SLC1A4: variants seen among roughly 807,000 people sequenced by gnomAD.
SLC1A4 encodes solute carrier family 1 member 4, also known as neutral amino acid transporter A.
Under a neutral mutation model 37.7 loss-of-function variants are expected in SLC1A4, and 19 were observed. The observed-to-expected ratio is 0.50, with a 90% CI of 0.35 to 0.74. SLC1A4 has a LOEUF of 0.74. SLC1A4 is among the 30% of genes least tolerant of loss of function. SLC1A4 has a pLI of 0.01. For synonymous variants in SLC1A4, 299 were observed against 309.8 expected (o/e 0.97, Z 0.37); for missense variants, 570 against 712.9 (o/e 0.80, Z 2.28).
At chr2:65,005,357 CCT>C (rs1335624848) in intron 3 of SLC1A4, among the ~76,000 whole-genome samples, 5 of 152,332 alleles carry the variant, frequency 3.3e-5, no homozygotes, top group South Asian at 4.1e-4. Context: ...ATGATATCCC[CCT>C]GTTCATAAAT....
At chr2:65,000,882 C>G (rs1052849098) in intron 1 of SLC1A4, 1 of 152,588 alleles carries the variant, frequency 6.6e-6, no homozygotes, top group African/African-American at 2.4e-5. Flanking sequence ...ACACACTCCC[C>G]CCAATTGGGG....
intron 1 of SLC1A4, among the ~76,000 whole-genome samples, chr2:64,991,421 CTTTT>C (rs3050297): frequency 2.3e-4 from 27 of 117,642 alleles, no homozygotes; most frequent in African/African-American, 5.2e-4. Context: ...GGGATCACAG[CTTTT>C]TTTTTTTTTT....
intron 3 of SLC1A4, 57 bp downstream of exon 3, chr2:65,004,072 T>A: frequency 2.8e-6 from 4 of 1,430,146 alleles, no homozygotes; most frequent in Non-Finnish European, 3.9e-6. Flanking sequence ...TCTTATTTCT[T>A]CTTTGAAGGA....
Position 65,016,639 on chromosome 2 carries a change from G to A in SLC1A4, c.1000G>A (p.Ala334Thr), listed in dbSNP as rs144779887. 6.2e-5 allele frequency: 100 copies of A among 1,614,038 alleles called. 1 individual carries two copies. Among genetic ancestry groups the A allele is most frequent in the East Asian group, 2.7e-4 (12 of 44,880 alleles). Residue 334 changes from alanine (A) to threonine (T), a missense_variant, in exon 5 of 8, where the codon GCC (alanine) becomes ACC (threonine). Transcript: ENST00000234256. ...ATTCAGATTCCTCCTGGGCCTCCTC[G>A]CCCCATTTGCGACAGCATTTGCTAC... ...NPFRFLLGLL[A>T]PFATAFATCS...
In SLC1A4 at chr2:64,990,084, C is replaced by T. The variant is rs776745294; in HGVS notation, c.441C>T (p.Thr147=). ...FIIKPGSGAQ[T]LQSSDLGLED... is the part of the protein sequence containing the mutation. ...TCAAGCCAGGATCCGGTGCGCAGAC[C>T]CTTCAGTCCAGCGACCTGGGGCTGG... is the stretch of plus-strand genomic sequence containing the variant. Residue 147 remains threonine (T), a synonymous_variant, in exon 1 of 8, where the codon ACC becomes ACT. Coordinates refer to ENST00000234256, the MANE Select transcript of SLC1A4 (RefSeq NM_003038.5). 8.1e-6 allele frequency: 13 copies of T among 1,609,578 alleles called. No homozygotes were observed. The South Asian group carries it at 8.9e-5, about 11-fold the overall frequency.
chr2:64,998,647 T>C (rs1673357385), intron 1 of SLC1A4, among the ~76,000 whole-genome samples: 1 of 152,148 alleles, frequency 6.6e-6, no homozygotes, highest in Non-Finnish European at 1.5e-5. Flanking sequence ...CTGTTAGGTG[T>C]AGAAGTTCTG....
Position 65,023,275 on chromosome 2 carries a change from T to C in SLC1A4, c.*2129T>C, listed in dbSNP as rs1215601144. 6.6e-6 allele frequency: 1 copy of C among 152,094 alleles called. No homozygotes were observed. 9.4% of individuals were successfully genotyped at this position (152,094 alleles called of 1,614,324 possible). ...GTAAATCTTTTTTTCTTCCTTCATA[T>C]ATATATACACAACACACACACACAT... is the stretch of plus-strand genomic sequence containing the variant. On this transcript the variant is annotated 3_prime_UTR_variant, in exon 8 of 8. Coordinates refer to ENST00000234256, the MANE Select transcript of SLC1A4 (RefSeq NM_003038.5).
Position 64,989,840 on chromosome 2 carries a change from G to C in SLC1A4, c.197G>C (p.Ser66Thr). 1 of 1,538,314 alleles carries C rather than the reference G, an allele frequency of 6.5e-7. No individual in the cohort carries two copies. The highest frequency in any genetic ancestry group is 1.2e-5 in the South Asian group (1 of 83,980). ...AGLGAALRGL[S>T]LSRTQVTYLA... ...CTGGGCGCGGCGTTGCGCGGGCTCA[G>C]CCTGAGCCGCACGCAGGTCACCTAC... The change falls in exon 1 of 8, where the codon AGC becomes ACC. Residue 66 changes from serine to threonine, a missense_variant. By Grantham distance (58) the Ser-to-Thr change is moderately conservative. Transcript: ENST00000234256.
chr2:65,002,059 C>A (rs971084047), intron 2 of SLC1A4, among the ~76,000 whole-genome samples: 1 of 152,134 alleles, frequency 6.6e-6, no homozygotes, highest in Non-Finnish European at 1.5e-5. Flanking sequence ...GTGGGTGGAT[C>A]ACTTGAGGTC....
In SLC1A4 at chr2:64,990,173, AAC is replaced by A; in HGVS notation, c.527+6_527+7del. On this transcript the variant is annotated splice_donor_5th_base_variant and intron_variant, in intron 1 of 7. Coordinates refer to ENST00000234256, the MANE Select transcript of SLC1A4 (RefSeq NM_003038.5). ...GACTCTTTCCTCGACCTGGCCAGGTAACACTCTCCACCTCTCCCAGGGCCCAG... is the reference window on the plus strand; with the variant it reads ...GACTCTTTCCTCGACCTGGCCAGGTAACTCTCCACCTCTCCCAGGGCCCAG... 1 of 1,596,286 alleles carries A rather than the reference AAC, an allele frequency of 6.3e-7. No homozygotes were observed. The highest frequency in any genetic ancestry group is 1.7e-5 in the Admixed American group (1 of 58,544).
At chr2:65,013,487 G>GCTA (rs530475775) in intron 4 of SLC1A4, among the ~76,000 whole-genome samples, 2 of 152,202 alleles carry the variant, frequency 1.3e-5, no homozygotes, top group South Asian at 4.1e-4. Flanking sequence ...CTCCCAAAGT[G>GCTA]CTAGGATTAC....
At chr2:65,020,738 G>C (rs1452344140) in intron 7 of SLC1A4, among the ~76,000 whole-genome samples, 174 bp from the exon 8 acceptor site, 1 of 152,150 alleles carries the variant, frequency 6.6e-6, no homozygotes, top group East Asian at 1.9e-4. Flanking sequence ...AAAATAAAAA[G>C]TGTTTAAAGA....
intron 4 of SLC1A4, among the ~76,000 whole-genome samples, chr2:65,013,553 A>G (rs1674007804): frequency 6.6e-6 from 1 of 152,240 alleles, no homozygotes; most frequent in Non-Finnish European, 1.5e-5. Flanking sequence ...AAACCAGTTT[A>G]GTCATTCCTT....
At position 64,996,729 on chromosome 2, in the gene SLC1A4, A is replaced by G. The variant is rs901454345; in HGVS notation, c.528-4719A>G. Among the ~76,000 whole-genome samples, 5 of 152,224 alleles carry G rather than the reference A, an allele frequency of 3.3e-5. No homozygotes were observed. In the East Asian group the frequency reaches 9.6e-4, roughly 29 times the overall value. On this transcript the variant is annotated intron_variant, in intron 1 of 7. Coordinates refer to ENST00000234256, the MANE Select transcript of SLC1A4 (RefSeq NM_003038.5). ...TTTCAGTTGGACAGTGCTGGCCTAG[A>G]TGGAGCAGAAATGGGAGATGCTCAG... is the stretch of plus-strand genomic sequence containing the variant.
intron 3 of SLC1A4, among the ~76,000 whole-genome samples, chr2:65,007,494 G>A (rs1673730275): frequency 1.3e-5 from 2 of 152,158 alleles, no homozygotes; most frequent in African/African-American, 4.8e-5. Flanking sequence ...TAGGTGTGCA[G>A]CCAGCATACC....
intron 7 of SLC1A4, 98 bp from the exon 8 acceptor site, chr2:65,020,814 C>T (rs528072723): frequency 8.7e-6 from 8 of 922,928 alleles, no homozygotes; most frequent in South Asian, 7.2e-5. Flanking sequence ...CAACAGGGCC[C>T]CTCACAATCA....
intron 3 of SLC1A4, among the ~76,000 whole-genome samples, chr2:65,008,410 G>A (rs1673770389): frequency 6.6e-6 from 1 of 152,190 alleles, no homozygotes; most frequent in South Asian, 2.1e-4. Flanking sequence ...GACTGAATTG[G>A]GAGAATCACT....
In SLC1A4 at chr2:65,004,088, C is replaced by T. The variant is rs557639957; in HGVS notation, c.633+73C>T. 9.9e-6 allele frequency: 13 copies of T among 1,309,054 alleles called. No individual in the cohort carries two copies. In the African/African-American group the frequency reaches 1.8e-4, roughly 18 times the overall value. The allele number at this position is 1,309,054 out of a possible 1,614,324, so 81.1% of individuals were successfully genotyped here. ...CTTATTTCTTCTTTGAAGGAGCATA[C>T]AGGACGTGGGCTGAAAACTTTGAGG... On this transcript the variant is annotated intron_variant, in intron 3 of 7. Transcript: ENST00000234256.
At chr2:65,011,231 C>A (rs1476639521) in intron 4 of SLC1A4, 1 of 153,106 alleles carries the variant, frequency 6.5e-6, no homozygotes, top group Non-Finnish European at 1.5e-5. Flanking sequence ...TCCATTTTCA[C>A]CCCATGCATA....
Sources: allele counts gnomAD v4.1 joint callset (sites outside exome capture counted in the v4.1 genomes callset), GRCh38; gene constraint gnomAD v4.1.1; transcripts MANE v1.5; gene names NCBI Gene and HGNC (gene_info 2026-07-23, HGNC 2026-07-21).